The following CNTNAP5 variants were observed in gnomAD, a reference collection of about 807,000 sequenced individuals.
CNTNAP5 encodes contactin associated protein family member 5.
Under a neutral mutation model 150.2 loss-of-function variants are expected in CNTNAP5, and 72 were observed. The observed-to-expected ratio is 0.48, with a 90% CI of 0.40 to 0.58. The LOEUF (loss-of-function observed/expected upper bound fraction) is 0.58. Among genes scored for constraint, CNTNAP5 ranks in the 20% least tolerant of loss-of-function variants. CNTNAP5 has a pLI of 0.00. For missense variants in CNTNAP5, 1,636 were observed against 1,626.2 expected (o/e 1.01, Z -0.10); for synonymous variants, 672 against 619.8 (o/e 1.08, Z -1.25).
chr2:124,653,922 C>A (rs1055210366), intron 13 of CNTNAP5, among the ~76,000 whole-genome samples: 3 of 141,026 alleles, frequency 2.1e-5, no homozygotes, highest in South Asian at 4.9e-4. Context: ...CCCCCCCCCC[C>A]CGCCACACAC....
intron 5 of CNTNAP5, 115 bp downstream of exon 5, chr2:124,434,802 G>C: frequency 1.2e-6 from 1 of 823,710 alleles, no homozygotes; most frequent in Non-Finnish European, 1.9e-6. Context: ...CACAATATAA[G>C]TGATATTGGT....
At chr2:124,710,901 C>T (rs1258775083) in intron 13 of CNTNAP5, among the ~76,000 whole-genome samples, 1 of 152,170 alleles carries the variant, frequency 6.6e-6, no homozygotes, top group Non-Finnish European at 1.5e-5. Flanking sequence ...CTTGCCATTA[C>T]TGTGCATTCA....
At chr2:124,629,233 C>A (rs1677794714) in intron 12 of CNTNAP5, among the ~76,000 whole-genome samples, 1 of 152,142 alleles carries the variant, frequency 6.6e-6, no homozygotes, top group Non-Finnish European at 1.5e-5. Flanking sequence ...ACAGAACTCT[C>A]TACCCCAAAG....
At chr2:124,148,517 A>AATATATACATATTAT (rs1266557462) in intron 1 of CNTNAP5, among the ~76,000 whole-genome samples, 1 of 146,544 alleles carries the variant, frequency 6.8e-6, no homozygotes, top group Non-Finnish European at 1.5e-5. Context: ...ATATATATAT[A>AATATATACATATTAT]ATATATACAT....
At chr2:124,644,032 T>A (rs997613010) in intron 12 of CNTNAP5, among the ~76,000 whole-genome samples, 1 of 152,244 alleles carries the variant, frequency 6.6e-6, no homozygotes, top group African/African-American at 2.4e-5. Flanking sequence ...CTTTGTTCAC[T>A]AACCTCCACT....
chr2:124,373,585 G>C lies in CNTNAP5; in HGVS notation c.382-43858G>C, dbSNP rs375508787. ...AACAATAGAGAAATTCAAACGGACA[G>C]CATATAATTATAAAAACACTATCTA... On this transcript the variant is annotated intron_variant, in intron 3 of 23. Coordinates refer to ENST00000682447, the MANE Select transcript of CNTNAP5 (RefSeq NM_001367498.1). 3.3e-4 allele frequency among the ~76,000 whole-genome samples: 50 copies of C among 151,936 alleles called. No individual in the cohort carries two copies. The East Asian group carries it at 5.4e-3, about 17-fold the overall frequency.
At chr2:124,539,757 A>G (rs1695334702) in intron 10 of CNTNAP5, among the ~76,000 whole-genome samples, 1 of 152,232 alleles carries the variant, frequency 6.6e-6, no homozygotes, top group South Asian at 2.1e-4. Context: ...GCCAGGTTTT[A>G]GAAAACCCAT....
chr2:124,515,696 T>C (rs1694696975), intron 8 of CNTNAP5, among the ~76,000 whole-genome samples: 1 of 152,012 alleles, frequency 6.6e-6, no homozygotes, highest in African/African-American at 2.4e-5. Flanking sequence ...TAGCAGGAAA[T>C]GGTAAGGGTA....
chr2:124,198,866 T>G (rs1237426662), intron 1 of CNTNAP5, among the ~76,000 whole-genome samples: 3 of 39,234 alleles, frequency 7.6e-5, no homozygotes, highest in Non-Finnish European at 1.8e-4. Flanking sequence ...ACATGATTTC[T>G]TTTTTTTTTT....
intron 19 of CNTNAP5, among the ~76,000 whole-genome samples, chr2:124,806,919 T>TC: frequency 6.6e-6 from 1 of 151,412 alleles, no homozygotes; most frequent in Non-Finnish European, 1.5e-5. Context: ...ATTTTACTTT[T>TC]TTTTTTTTTT....
rs977275549 is a variant in CNTNAP5, at chr2:124,504,399, C to T, written c.1170C>T (p.Leu390=). The change falls in exon 8 of 24, where the codon CTC becomes CTT. Residue 390 remains leucine, a synonymous_variant. Transcript: ENST00000682447. ...LLPGTPQIDG[L]SVSFQFRTWN... Reference sequence around the variant, plus strand: ...CCGGCACCCCCCAAATTGATGGGCTCTCAGTGAGTTTCCAGTTTCGAACAT... The same window carrying T: ...CCGGCACCCCCCAAATTGATGGGCTTTCAGTGAGTTTCCAGTTTCGAACAT... 2.5e-6 allele frequency: 4 copies of T among 1,613,814 alleles called. No individual in the cohort carries two copies. The highest frequency in any genetic ancestry group is 2.2e-5 in the East Asian group (1 of 44,882).
intron 8 of CNTNAP5, among the ~76,000 whole-genome samples, chr2:124,513,434 G>T (rs536977637): frequency 6.6e-6 from 1 of 152,294 alleles, no homozygotes; most frequent in South Asian, 2.1e-4. Context: ...CTCATGCAAT[G>T]TATATTAATA....
At chr2:124,511,480 G>A (rs970342019) in intron 8 of CNTNAP5, among the ~76,000 whole-genome samples, 1 of 152,228 alleles carries the variant, frequency 6.6e-6, no homozygotes, top group Non-Finnish European at 1.5e-5. Context: ...TTCAGTGGTT[G>A]TGCGTCAGCC....
intron 12 of CNTNAP5, among the ~76,000 whole-genome samples, chr2:124,630,326 A>C (rs116003445): frequency 0.01 from 1,564 of 152,316 alleles, 26 homozygotes; most frequent in African/African-American, 0.035. Flanking sequence ...AATCTCCAAC[A>C]AAATACTGGC....
At chr2:124,069,679 G>A (rs1259004345) in intron 1 of CNTNAP5, among the ~76,000 whole-genome samples, 1 of 152,150 alleles carries the variant, frequency 6.6e-6, no homozygotes, top group East Asian at 1.9e-4. Context: ...AAGTAAGGAA[G>A]AGAACAAGAT....
At chr2:124,451,077 T>TATATATACACACAC (rs755084840) in intron 6 of CNTNAP5, among the ~76,000 whole-genome samples, 1 of 61,536 alleles carries the variant, frequency 1.6e-5, no homozygotes, top group African/African-American at 7.2e-5. Context: ...TATATATATA[T>TATATATACACACAC]ACACACACAC....
chr2:124,111,428 C>A (rs1184424388), intron 1 of CNTNAP5, among the ~76,000 whole-genome samples: 3 of 152,178 alleles, frequency 2.0e-5, no homozygotes, highest in Non-Finnish European at 4.4e-5. Context: ...CTTGGCATGA[C>A]TGATTCTGAC....
chr2:124,197,701 G>A (rs1282359414), intron 1 of CNTNAP5, among the ~76,000 whole-genome samples: 1 of 152,092 alleles, frequency 6.6e-6, no homozygotes, highest in Non-Finnish European at 1.5e-5. Context: ...AAACAATACG[G>A]CCCGGCGCAG....
intron 1 of CNTNAP5, among the ~76,000 whole-genome samples, chr2:124,037,156 T>A (rs1681244984): frequency 6.6e-6 from 1 of 152,208 alleles, no homozygotes; most frequent in Admixed American, 6.5e-5. Context: ...TTATAAAAGT[T>A]GCTTGTATTG....
Sources: allele counts gnomAD v4.1 joint callset (sites outside exome capture counted in the v4.1 genomes callset), GRCh38; gene constraint gnomAD v4.1.1; transcripts MANE v1.5; gene names NCBI Gene and HGNC (gene_info 2026-07-23, HGNC 2026-07-21).